RBFOX1: variants seen among roughly 807,000 people sequenced by gnomAD.
RBFOX1 encodes the protein RNA binding protein fox-1 homolog 1.
A neutral mutation model predicts 57.7 loss-of-function variants in RBFOX1; 8 were observed. The observed-to-expected ratio is 0.14, with a 90% confidence interval of 0.08 to 0.25. RBFOX1 has a LOEUF of 0.25. Ranked by LOEUF, RBFOX1 falls within the 10% of genes least tolerant of loss-of-function variation. The pLI is 1.00. For missense variants in RBFOX1, 611 were observed against 548.5 expected (o/e 1.11, Z -1.14); for synonymous variants, 326 against 222.4 (o/e 1.47, Z -4.15).
At chr16:7,454,165 T>C (rs2057998438) in intron 4 of RBFOX1, among the ~76,000 whole-genome samples, 1 of 152,106 alleles carries the variant, frequency 6.6e-6, no homozygotes, top group African/African-American at 2.4e-5. Context: ...CTCAGGAGGC[T>C]GAGGTCCCAG....
intron 3 of RBFOX1, among the ~76,000 whole-genome samples, chr16:5,789,213 C>T (rs776368397): frequency 3.9e-5 from 6 of 152,154 alleles, no homozygotes; most frequent in Non-Finnish European, 7.3e-5. Flanking sequence ...GCTCTGCCAT[C>T]CTATAATACT....
intron 4 of RBFOX1, among the ~76,000 whole-genome samples, chr16:7,374,858 G>A (rs1301030400): frequency 1.3e-5 from 2 of 152,194 alleles, no homozygotes; most frequent in Non-Finnish European, 2.9e-5. Context: ...GGTGGTGATA[G>A]CATGCTTTTC....
intron 1 of RBFOX1, among the ~76,000 whole-genome samples, chr16:5,287,277 C>T (rs1302942463): frequency 1.3e-5 from 2 of 151,954 alleles, no homozygotes; most frequent in East Asian, 3.9e-4. Context: ...TGTACTCTAC[C>T]CTAGGCAAAG....
chr16:7,144,730 C>T (rs1288251363), intron 4 of RBFOX1, among the ~76,000 whole-genome samples: 1 of 152,078 alleles, frequency 6.6e-6, no homozygotes. Context: ...CTCCCTCCCA[C>T]CTACATATGA....
intron 1 of RBFOX1, among the ~76,000 whole-genome samples, chr16:6,167,831 A>G (rs906329344): frequency 2.0e-5 from 3 of 152,110 alleles, no homozygotes; most frequent in African/African-American, 7.2e-5. Flanking sequence ...GCAGGCATCT[A>G]AGGCTTTGGG....
intron 1 of RBFOX1, among the ~76,000 whole-genome samples, chr16:6,031,090 A>G (rs7190574): frequency 0.95 from 144,913 of 152,270 alleles, 68,999 homozygotes; most frequent in African/African-American, 0.99. Flanking sequence ...GTAATAAAAG[A>G]GTGAGTGACC....
At chr16:7,015,042 C>T (rs985402352) in intron 3 of RBFOX1, among the ~76,000 whole-genome samples, 4 of 152,178 alleles carry the variant, frequency 2.6e-5, no homozygotes, top group Non-Finnish European at 5.9e-5. Context: ...AGGTTCTATG[C>T]TTCCTGAATG....
At chr16:7,303,673 G>C (rs1436364844) in intron 4 of RBFOX1, among the ~76,000 whole-genome samples, 2 of 152,066 alleles carry the variant, frequency 1.3e-5, no homozygotes, top group African/African-American at 4.8e-5. Context: ...GAGACAGACA[G>C]CATCAGAACC....
intron 3 of RBFOX1, among the ~76,000 whole-genome samples, chr16:5,765,598 G>T (rs1349038481): frequency 6.6e-6 from 1 of 152,206 alleles, no homozygotes. Context: ...TGGCTGTCCA[G>T]CAGGTGGCTG....
intron 1 of RBFOX1, among the ~76,000 whole-genome samples, chr16:6,119,700 C>T (rs182747115): frequency 1.3e-5 from 2 of 152,250 alleles, no homozygotes; most frequent in East Asian, 1.9e-4. Context: ...AATCATTCCA[C>T]AGGGTATCCA....
intron 4 of RBFOX1, among the ~76,000 whole-genome samples, chr16:6,000,687 G>A (rs2060582923): frequency 6.6e-6 from 1 of 151,786 alleles, no homozygotes; most frequent in Non-Finnish European, 1.5e-5. Context: ...GTGACTAGGT[G>A]GATGGGTGGA....
intron 2 of RBFOX1, among the ~76,000 whole-genome samples, chr16:5,529,234 G>A (rs1323170018): frequency 6.6e-6 from 1 of 152,060 alleles, no homozygotes; most frequent in South Asian, 2.1e-4. Context: ...GCGTGACTTT[G>A]TTATGGGTTG....
chr16:7,328,017 C>T (rs932545619), intron 4 of RBFOX1, among the ~76,000 whole-genome samples: 27 of 152,066 alleles, frequency 1.8e-4, no homozygotes, highest in Middle Eastern at 3.2e-3. Flanking sequence ...CTTTCATTGA[C>T]GTCTAAACTT....
intron 4 of RBFOX1, among the ~76,000 whole-genome samples, chr16:7,062,337 A>G (rs1231145439): frequency 2.8e-5 from 4 of 140,696 alleles, no homozygotes; most frequent in African/African-American, 1.1e-4. Flanking sequence ...AAAAAAAAAA[A>G]AGAAAAGAAA....
chr16:7,594,686 A>T (rs1040831303), intron 7 of RBFOX1, among the ~76,000 whole-genome samples: 1 of 152,246 alleles, frequency 6.6e-6, no homozygotes, highest in Admixed American at 6.5e-5. Context: ...ATTACAAATT[A>T]CATTCTATTA....
At chr16:7,240,121 C>G (rs28376562) in intron 4 of RBFOX1, among the ~76,000 whole-genome samples, 39 of 152,248 alleles carry the variant, frequency 2.6e-4, no homozygotes, top group East Asian at 1.7e-3. Flanking sequence ...CACCCGCCAC[C>G]ACGCCTGGCT....
At chr16:5,357,826 G>A (rs2065434524) in intron 1 of RBFOX1, among the ~76,000 whole-genome samples, 1 of 152,190 alleles carries the variant, frequency 6.6e-6, no homozygotes, top group African/African-American at 2.4e-5. Flanking sequence ...TTATTTATCT[G>A]TGTGTAATTT....
chr16:5,541,267 A>G (rs1263844335), intron 2 of RBFOX1, among the ~76,000 whole-genome samples: 7 of 152,098 alleles, frequency 4.6e-5, no homozygotes, highest in Non-Finnish European at 8.8e-5. Context: ...AATGCTTTGT[A>G]TTGTGAACGC....
chr16:5,295,159 G>A (rs984569181), intron 1 of RBFOX1, among the ~76,000 whole-genome samples: 7 of 151,864 alleles, frequency 4.6e-5, no homozygotes, highest in African/African-American at 9.7e-5. Context: ...TGCTTGACAT[G>A]CCTGTGGAAA....
Sources: allele counts gnomAD v4.1 joint callset (sites outside exome capture counted in the v4.1 genomes callset), GRCh38; gene constraint gnomAD v4.1.1; transcripts MANE v1.5; gene names NCBI Gene and HGNC (gene_info 2026-07-23, HGNC 2026-07-21).